The following C12orf75 variants were observed in gnomAD, a reference collection of about 807,000 sequenced individuals.
C12orf75 encodes the protein overexpressed in colon carcinoma 1 protein.
C12orf75 carries 4 observed loss-of-function variants against 11.4 expected under a neutral mutation model. The observed-to-expected ratio is 0.35, with a 90% CI of 0.17 to 0.80. C12orf75 has a LOEUF of 0.80. Ranked by LOEUF, C12orf75 falls within the 30% of genes least tolerant of loss-of-function variation. The probability of loss-of-function intolerance (pLI) is 0.52; values close to 1 mark genes in which losing one functional copy is unlikely to be tolerated. For synonymous variants in C12orf75, 30 were observed against 30.0 expected, an observed-to-expected ratio of 1.00 and a Z score of 0.00; for missense variants, 89 against 80.4, an observed-to-expected ratio of 1.11 and a Z score of -0.41.
intron 2 of C12orf75, among the ~76,000 whole-genome samples, chr12:105,362,384 CAAAAAAAAAA>C (rs35725967): frequency 5.3e-5 from 1 of 18,758 alleles, no homozygotes; most frequent in Non-Finnish European, 8.2e-5. Flanking sequence ...GACTCCGTCT[CAAAAAAAAAA>C]AAAAAAAAAA....
At chr12:105,337,110 C>A (rs779666025) in intron 1 of C12orf75, among the ~76,000 whole-genome samples, 2 of 151,970 alleles carry the variant, frequency 1.3e-5, no homozygotes, top group Non-Finnish European at 2.9e-5. Flanking sequence ...GATCACCTGA[C>A]GTCAGGAGTT....
At chr12:105,366,559 T>C in intron 3 of C12orf75, 58 bp from the exon 4 acceptor site, 1 of 799,102 alleles carries the variant, frequency 1.3e-6, no homozygotes, top group Non-Finnish European at 2.0e-6. Context: ...TCCGTGCTTC[T>C]GTTGCTTCCT....
chr12:105,344,980 T>A (rs1246724411), intron 1 of C12orf75, among the ~76,000 whole-genome samples: 14 of 133,868 alleles, frequency 1.0e-4, no homozygotes, highest in African/African-American at 3.9e-4. Flanking sequence ...CCCCAACCAA[T>A]TAAATGGACC....
At chr12:105,363,379 T>G (rs998910057) in intron 2 of C12orf75, among the ~76,000 whole-genome samples, 1 of 152,198 alleles carries the variant, frequency 6.6e-6, no homozygotes, top group Non-Finnish European at 1.5e-5. Context: ...GACAGTCTTA[T>G]ACATGGGAGT....
rs1020323743 is a variant in C12orf75 at position 105,370,987 on chromosome 12, T to G, written c.*387T>G. On this transcript the variant is annotated 3_prime_UTR_variant, in exon 6 of 6. Coordinates refer to ENST00000443585, the MANE Select transcript of C12orf75 (RefSeq NM_001145199.2). ...TGATACTTTTTTGATAGTTTTTATA[T>G]AACAAAATCCTTATTCTATTTATAA... is the stretch of plus-strand genomic sequence containing the variant. 2 of 209,344 alleles carry G rather than the reference T, an allele frequency of 9.6e-6. No individual in the cohort carries two copies. Among genetic ancestry groups the G allele is most frequent in the African/African-American group, 4.5e-5 (2 of 44,138 alleles). The allele number at this position is 209,344 out of a possible 1,614,324, so 13.0% of individuals were successfully genotyped here.
intron 4 of C12orf75, among the ~76,000 whole-genome samples, chr12:105,367,017 A>T (rs1049131663): frequency 6.6e-6 from 1 of 152,262 alleles, no homozygotes; most frequent in South Asian, 2.1e-4. Context: ...ACAGAAAGGT[A>T]AATTTCTGTA....
In C12orf75 at chr12:105,370,882, G is replaced by A. The variant is rs1324687682; in HGVS notation, c.*282G>A. 1 of 342,544 alleles carries A rather than the reference G, an allele frequency of 2.9e-6. No homozygotes were observed. Among genetic ancestry groups the A allele is most frequent in the African/African-American group, 2.1e-5 (1 of 46,998 alleles). 21.2% of individuals were successfully genotyped at this position (342,544 alleles called of 1,614,324 possible). ...ACAAACTGTCATGGAGGCTGTTGTTGCCCAGCCAGGGCCGCTGCATTTTGA... is the reference window on the plus strand; with the variant it reads ...ACAAACTGTCATGGAGGCTGTTGTTACCCAGCCAGGGCCGCTGCATTTTGA... On this transcript the variant is annotated 3_prime_UTR_variant, in exon 6 of 6. Coordinates refer to ENST00000443585, the MANE Select transcript of C12orf75 (RefSeq NM_001145199.2).
intron 2 of C12orf75, among the ~76,000 whole-genome samples, chr12:105,364,676 C>T (rs1871410833): frequency 1.3e-5 from 2 of 152,062 alleles, no homozygotes; most frequent in Non-Finnish European, 2.9e-5. Context: ...ACTGAAGCCC[C>T]TTAGTGTTAC....
At chr12:105,331,679 G>C (rs527372300) in intron 1 of C12orf75, among the ~76,000 whole-genome samples, 2 of 151,778 alleles carry the variant, frequency 1.3e-5, no homozygotes, top group African/African-American at 2.4e-5. Flanking sequence ...AGGTCTTCTA[G>C]CTTCCCCGGG....
Position 105,362,713 on chromosome 12 carries a change from C to T in C12orf75, c.72-3094C>T, listed in dbSNP as rs1892889701. On this transcript the variant is annotated intron_variant, in intron 2 of 5. Transcript: ENST00000443585. ...GGAGAGCTCCAGCTGCGGGAAGGTG[C>T]ATGTTTCTCTAATGCAAATTAGCAT... 3.3e-5 allele frequency among the ~76,000 whole-genome samples: 5 copies of T among 151,300 alleles called. 1 individual carries two copies. In the South Asian group the frequency reaches 1.0e-3, roughly 32 times the overall value.
At chr12:105,344,761 A>G (rs1300058818) in intron 1 of C12orf75, among the ~76,000 whole-genome samples, 1 of 150,474 alleles carries the variant, frequency 6.6e-6, no homozygotes, top group East Asian at 1.9e-4. Context: ...AAAAAAAAAA[A>G]AAAGTTGAGG....
chr12:105,357,270 G>T (rs1892795822), intron 2 of C12orf75, among the ~76,000 whole-genome samples: 1 of 152,220 alleles, frequency 6.6e-6, no homozygotes, highest in African/African-American at 2.4e-5. Flanking sequence ...AAGTGAGCTA[G>T]AAGTGGAATT....
chr12:105,365,845 A>G lies in C12orf75; in HGVS notation c.107+3A>G. 2.6e-6 allele frequency: 4 copies of G among 1,544,198 alleles called. No homozygotes were observed. The highest frequency in any genetic ancestry group is 3.5e-6 in the Non-Finnish European group (4 of 1,140,260). On this transcript the variant is annotated splice_donor_region_variant and intron_variant, in intron 3 of 5. Coordinates refer to ENST00000443585, the MANE Select transcript of C12orf75 (RefSeq NM_001145199.2). ...GTAACAGAAGATGACAAGAGGAGGTATGTTTGGTATTGCAGCTGGCTTTAG... is the reference window on the plus strand; with the variant it reads ...GTAACAGAAGATGACAAGAGGAGGTGTGTTTGGTATTGCAGCTGGCTTTAG...
In C12orf75 at chr12:105,370,661, G is replaced by C. The variant is rs1244663231; in HGVS notation, c.*61G>C. 8.7e-6 allele frequency: 4 copies of C among 457,550 alleles called. No individual in the cohort carries two copies. 28.3% of individuals were successfully genotyped at this position (457,550 alleles called of 1,614,324 possible). ...TGCTCATCAGTTTGGAAGGAATTTG[G>C]CTCCGTGGGACGTTGTAATGTGCAC... On this transcript the variant is annotated 3_prime_UTR_variant, in exon 6 of 6. Transcript: ENST00000443585.
chr12:105,340,164 G>A lies in C12orf75; in HGVS notation c.47-8438G>A, dbSNP rs190115505. On this transcript the variant is annotated intron_variant, in intron 1 of 5. Transcript: ENST00000443585. ...ATGCAGGTGGGGCGTGGTGGCTCAC[G>A]CCTGTAATCCCAGCACTTTGGGAGG... Among the ~76,000 whole-genome samples, 16 of 151,940 alleles carry A rather than the reference G, an allele frequency of 1.1e-4. No homozygotes were observed. The East Asian group carries it at 2.2e-3, about 20-fold the overall frequency.
intron 1 of C12orf75, among the ~76,000 whole-genome samples, chr12:105,332,747 AAAAG>A (rs1465592391): frequency 1.2e-4 from 18 of 151,452 alleles, no homozygotes; most frequent in Admixed American, 3.9e-4. Flanking sequence ...AAAAAAAAAA[AAAAG>A]AAAAGAAAAG....
At chr12:105,361,532 C>T (rs1892865968) in intron 2 of C12orf75, among the ~76,000 whole-genome samples, 1 of 152,184 alleles carries the variant, frequency 6.6e-6, no homozygotes, top group African/African-American at 2.4e-5. Flanking sequence ...AGTCCCCCCA[C>T]CAGAAGGTGT....
intron 4 of C12orf75, 34 bp downstream of exon 4, chr12:105,366,730 ATTAT>A (rs1871483627): frequency 2.6e-6 from 3 of 1,166,454 alleles, no homozygotes; most frequent in South Asian, 2.7e-5. Flanking sequence ...ATTTTCCCTA[ATTAT>A]TTATTTTTAT....
intron 1 of C12orf75, among the ~76,000 whole-genome samples, chr12:105,341,802 A>G (rs897136529): frequency 4.6e-5 from 7 of 152,316 alleles, no homozygotes; most frequent in Admixed American, 1.3e-4. Context: ...AGTAATCCCC[A>G]CATGTCAAGG....
Sources: gnomAD v4.1 joint callset for allele counts (sites outside exome capture counted in the v4.1 genomes callset) on GRCh38, gnomAD v4.1.1 for gene constraint, MANE v1.5 for transcripts, NCBI Gene and HGNC (gene_info 2026-07-23, HGNC 2026-07-21) for gene names.